The following AK9 variants were observed in gnomAD, a reference collection of about 807,000 sequenced individuals.
The protein encoded by AK9 is adenylate kinase domain containing 1.
AK9 carries 191 observed loss-of-function variants against 239.6 expected under a neutral mutation model. The observed-to-expected ratio is 0.80, with a 90% confidence interval of 0.71 to 0.90. The LOEUF (loss-of-function observed/expected upper bound fraction) is 0.90, where lower values mean the gene tolerates loss of function less well. AK9 is among the 40% of genes least tolerant of loss of function. AK9 has a pLI of 0.00. For missense variants in AK9, 1,995 were observed against 2,214.7 expected, an observed-to-expected ratio of 0.90 and a Z score of 1.99; for synonymous variants, 689 against 721.0, an observed-to-expected ratio of 0.96 and a Z score of 0.71.
At chr6:109,660,344 T>C (rs1800261508) in intron 6 of AK9, among the ~76,000 whole-genome samples, 5 of 152,172 alleles carry the variant, frequency 3.3e-5, no homozygotes, top group Admixed American at 3.3e-4. Context: ...GTTAAATCAA[T>C]TGCAGCTCCT....
intron 10 of AK9, among the ~76,000 whole-genome samples, chr6:109,637,050 T>A (rs1796810258): frequency 1.3e-5 from 2 of 152,198 alleles, no homozygotes; most frequent in Admixed American, 1.3e-4. Context: ...TTTCTCCTCA[T>A]CAACATTTGT....
intron 12 of AK9, 129 bp downstream of exon 12, chr6:109,632,794 A>G: frequency 7.3e-7 from 1 of 1,371,182 alleles, no homozygotes; most frequent in Non-Finnish European, 9.4e-7. Flanking sequence ...TAAAACATGA[A>G]ATTTTAAAAA....
chr6:109,647,929 A>G (rs903163611), intron 8 of AK9, among the ~76,000 whole-genome samples: 8 of 152,220 alleles, frequency 5.3e-5, no homozygotes, highest in African/African-American at 1.7e-4. Context: ...CTCAGGATTA[A>G]GAAACTCACT....
chr6:109,631,210 G>T (rs909516093), intron 12 of AK9, among the ~76,000 whole-genome samples: 1 of 151,798 alleles, frequency 6.6e-6, no homozygotes, highest in African/African-American at 2.4e-5. Flanking sequence ...TTGAAACAAA[G>T]AACTTCTGTT....
At chr6:109,641,349 C>CTT (rs913203723) in intron 10 of AK9, among the ~76,000 whole-genome samples, 169 bp downstream of exon 10, 63 of 124,354 alleles carry the variant, frequency 5.1e-4, no homozygotes, top group African/African-American at 1.1e-3. Context: ...TTCTTTCTTT[C>CTT]TTTTTTTTTT....
rs772222818 is a variant in AK9, at chr6:109,499,044, A to G, written c.5046T>C (p.Asn1682=). 1.3e-5 allele frequency: 20 copies of G among 1,505,212 alleles called. No individual in the cohort carries two copies. The Admixed American group carries it at 4.3e-4, about 32-fold the overall frequency. The allele number at this position is 1,505,212 out of a possible 1,614,324, so 93.2% of individuals were successfully genotyped here. A position where few individuals can be genotyped will look rare whatever the true frequency, so the allele number is the denominator to read the frequency against. Residue 1682 remains asparagine, a splice_region_variant and synonymous_variant, in exon 36 of 41, where the codon AAT becomes AAC. Coordinates refer to ENST00000424296, the MANE Select transcript of AK9 (RefSeq NM_001145128.3). ...YYKMSSQEKL[N]KFLENPELYV... ...TATTTGGAGTTAGGAACAAACTTAC[A>G]TTCAGTTTTTCCTGAGAACTCATTT... is the stretch of plus-strand genomic sequence containing the variant.
At position 109,516,590 on chromosome 6, in the gene AK9, T is replaced by G; in HGVS notation, c.3686A>C (p.Asn1229Thr). 6.4e-7 allele frequency: 1 copy of G among 1,550,878 alleles called. No homozygotes were observed. The highest frequency in any genetic ancestry group is 8.7e-7 in the Non-Finnish European group (1 of 1,146,848). ...EISEEELEED[N>T]DDIENILEDE... ...TTCAAGGATGTTTTCAATATCATCATTGTCTTCTTCAAGTTCTTCCTCACT... is the reference window on the plus strand; with the variant it reads ...TTCAAGGATGTTTTCAATATCATCAGTGTCTTCTTCAAGTTCTTCCTCACT... Residue 1229 changes from asparagine (N) to threonine (T), a missense_variant, in exon 30 of 41, where the codon AAT becomes ACT. Around this residue, in one of 5 missense-constraint regions of AK9, gnomAD observed 1,290 missense variants for 1,392.7 expected, o/e 0.93. Coordinates refer to ENST00000424296, the MANE Select transcript of AK9 (RefSeq NM_001145128.3).
chr6:109,635,157 G>A (rs530192802), intron 10 of AK9, among the ~76,000 whole-genome samples: 1 of 152,290 alleles, frequency 6.6e-6, no homozygotes, highest in East Asian at 1.9e-4. Context: ...GAGAATGGGA[G>A]AAGAGACTAG....
At chr6:109,596,995 T>G (rs1791121934) in intron 17 of AK9, among the ~76,000 whole-genome samples, 1 of 152,210 alleles carries the variant, frequency 6.6e-6, no homozygotes, top group Admixed American at 6.5e-5. Flanking sequence ...CCCTTACTGT[T>G]AAATATTTAT....
intron 24 of AK9, among the ~76,000 whole-genome samples, chr6:109,559,064 G>A (rs991591912): frequency 6.6e-6 from 1 of 151,856 alleles, no homozygotes; most frequent in Non-Finnish European, 1.5e-5. Flanking sequence ...TGTTGGCTAA[G>A]CTGCCTCGAA....
chr6:109,651,287 TG>T lies in AK9; in HGVS notation c.759+5468del, dbSNP rs538282161. On this transcript the variant is annotated intron_variant, in intron 8 of 40. Transcript: ENST00000424296. ...ACTCACTAAAAGCCGCAGAACTACATGGAAACTGAACAACCTGCTTCTGAAT... is the reference window on the plus strand; with the variant it reads ...ACTCACTAAAAGCCGCAGAACTACATGAAACTGAACAACCTGCTTCTGAAT... 2.8e-3 allele frequency among the ~76,000 whole-genome samples: 424 copies of T among 149,650 alleles called. 1 individual carries two copies. Among genetic ancestry groups the T allele is most frequent in the African/African-American group, 9.9e-3 (405 of 40,918 alleles).
In AK9 at chr6:109,516,471, C is replaced by T; in HGVS notation, c.3805G>A (p.Glu1269Lys). The T allele has an allele frequency of 6.4e-7, 1 of 1,551,572 alleles. No homozygotes were observed. Among genetic ancestry groups the T allele is most frequent in the Non-Finnish European group, 8.7e-7 (1 of 1,146,966 alleles). Residue 1269 changes from glutamate to lysine, a missense_variant, in exon 30 of 41, where the codon GAA becomes AAA. Physicochemically the swap from Glu to Lys is moderately conservative, Grantham distance 56 (BLOSUM62 1). Transcript: ENST00000424296. ...TTATGTGTATCTGCTTCAAATTTTTCTCCTAGTTCACCTCTCAGGCGCTCA... is the reference window on the plus strand; with the variant it reads ...TTATGTGTATCTGCTTCAAATTTTTTTCCTAGTTCACCTCTCAGGCGCTCA... Reference protein sequence around the residue: ...AIERLRGELGEKFEADTHNLQ... With the variant: ...AIERLRGELGKKFEADTHNLQ...
At chr6:109,602,312 T>C (rs1324273730) in intron 17 of AK9, among the ~76,000 whole-genome samples, 1 of 152,200 alleles carries the variant, frequency 6.6e-6, no homozygotes, top group African/African-American at 2.4e-5. Context: ...ATAAAGGATT[T>C]TATTTCTCCT....
chr6:109,530,835 T>A (rs1016516553), intron 28 of AK9, among the ~76,000 whole-genome samples: 1 of 152,130 alleles, frequency 6.6e-6, no homozygotes, highest in Non-Finnish European at 1.5e-5. Flanking sequence ...CCAGATATGG[T>A]CTCGATCTGT....
rs200523832 is a variant in AK9 at position 109,669,765 on chromosome 6, T to C, written c.331+2154A>G. The stretch of plus-strand genomic sequence containing the variant: ...GCCTTGCTGGGAATTTGGGCAAAGA[T>C]TTTCAAACTGTATTTAGCCGAGTGC... On this transcript the variant is annotated intron_variant, in intron 5 of 40. Transcript: ENST00000424296. 4.6e-5 allele frequency among the ~76,000 whole-genome samples: 7 copies of C among 152,266 alleles called. No individual in the cohort carries two copies. In the East Asian group the frequency reaches 1.4e-3, roughly 29 times the overall value.
chr6:109,671,294 C>T (rs1770845052), intron 5 of AK9, among the ~76,000 whole-genome samples: 1 of 152,098 alleles, frequency 6.6e-6, no homozygotes, highest in Non-Finnish European at 1.5e-5. Context: ...ATGATTTTAT[C>T]CCAAACTTGT....
chr6:109,632,801 A>G (rs1357868550), intron 12 of AK9, 122 bp downstream of exon 12: 52 of 1,370,810 alleles, frequency 3.8e-5, no homozygotes, highest in Non-Finnish European at 4.9e-5. Context: ...TGAAATTTTA[A>G]AAACTGAGTA....
intron 39 of AK9, among the ~76,000 whole-genome samples, chr6:109,495,057 A>G (rs920375343): frequency 3.3e-5 from 5 of 152,232 alleles, no homozygotes; most frequent in Non-Finnish European, 5.9e-5. Flanking sequence ...TTCAAAAGTA[A>G]GAACCAAACT....
intron 30 of AK9, 93 bp downstream of exon 30, chr6:109,516,337 T>A (rs1289256303): frequency 3.5e-6 from 4 of 1,130,542 alleles, no homozygotes; most frequent in Middle Eastern, 2.0e-4. Flanking sequence ...ATACATTTTT[T>A]AAATGTTTAA....
Sources: gnomAD v4.1 joint callset for allele counts (sites outside exome capture counted in the v4.1 genomes callset) on GRCh38, gnomAD v4.1.1 for gene constraint, gnomAD v4.1.1 regional missense constraint, MANE v1.5 for transcripts, NCBI Gene and HGNC (gene_info 2026-07-23, HGNC 2026-07-21) for gene names.